The following SFSWAP variants were observed in gnomAD, a reference collection of about 807,000 sequenced individuals.
SFSWAP encodes the protein splicing factor SWAP, also known as splicing factor, suppressor of white-apricot homolog.
Under a neutral mutation model 100.7 loss-of-function variants are expected in SFSWAP, and 17 were observed. The observed-to-expected ratio is 0.17, with a 90% CI of 0.12 to 0.25. SFSWAP has a LOEUF of 0.25. SFSWAP is among the 10% of genes least tolerant of loss of function. SFSWAP has a pLI of 1.00. For synonymous variants in SFSWAP, 504 were observed against 510.1 expected (o/e 0.99, Z 0.16); for missense variants, 1,005 against 1,262.6 (o/e 0.80, Z 3.09).
At chr12:131,762,107 C>T (rs1882724530) in intron 11 of SFSWAP, among the ~76,000 whole-genome samples, 1 of 152,188 alleles carries the variant, frequency 6.6e-6, no homozygotes, top group South Asian at 2.1e-4. Context: ...GTGGCGAGCA[C>T]CTGTAATCCC....
chr12:131,795,426 C>T (rs1040519926), intron 15 of SFSWAP, among the ~76,000 whole-genome samples: 4 of 152,176 alleles, frequency 2.6e-5, no homozygotes, highest in Non-Finnish European at 5.9e-5. Flanking sequence ...CTGTCCCTAC[C>T]AGGGCATGCT....
chr12:131,766,223 A>G lies in SFSWAP; in HGVS notation c.2057A>G (p.Lys686Arg), dbSNP rs751859060. The change falls in exon 13 of 18, where the codon AAA becomes AGA. Residue 686 changes from lysine to arginine, a missense_variant. Physicochemically the swap from Lys to Arg is conservative, Grantham distance 26 (BLOSUM62 2). This residue lies in a region of SFSWAP where 4 missense variants were observed against 24.5 expected (regional missense o/e 0.16). Transcript: ENST00000261674. ...EKQLQAERKR[K>R]AALFLQTLKN... ...CAGCTTCAAGCAGAACGTAAAAGGA[A>G]AGCGGCGTTATTTTTACAGACCCTC... is the stretch of plus-strand genomic sequence containing the variant. 1 of 1,614,106 alleles carries G rather than the reference A, an allele frequency of 6.2e-7. No homozygotes were observed. Among genetic ancestry groups the G allele is most frequent in the African/African-American group, 1.3e-5 (1 of 74,934 alleles).
Position 131,734,587 on chromosome 12 carries a change from C to T in SFSWAP, c.1081+6159C>T, listed in dbSNP as rs1420065634. Among the ~76,000 whole-genome samples the T allele has an allele frequency of 2.0e-5, 3 of 152,214 alleles. No homozygotes were observed. The highest frequency in any genetic ancestry group is 4.4e-5 in the Non-Finnish European group (3 of 68,042). ...TTGAATGCCCTGTGGACCCGGAGCT[C>T]TGTGAGGCAAAGGCTGGGACTGTCT... On this transcript the variant is annotated intron_variant, in intron 7 of 17. Coordinates refer to ENST00000261674, the MANE Select transcript of SFSWAP (RefSeq NM_004592.4). This position sits in a 1 kb window ranked among gnomAD's most constrained non-coding sequence, Gnocchi z 4.9.
Position 131,748,004 on chromosome 12 carries a change from G to T in SFSWAP, c.1082-5119G>T, listed in dbSNP as rs536548392. ...GGCCGCTGCCGAGGAAGAGCCTGGG[G>T]CTGTGGGAGCAGCGAGGCCACCATC... On this transcript the variant is annotated intron_variant, in intron 7 of 17. Coordinates refer to ENST00000261674, the MANE Select transcript of SFSWAP (RefSeq NM_004592.4). Among the ~76,000 whole-genome samples the T allele has an allele frequency of 4.6e-5, 7 of 152,340 alleles. No homozygotes were observed. In the South Asian group the frequency reaches 1.4e-3, roughly 32 times the overall value.
chr12:131,786,984 G>A (rs1884941679), intron 15 of SFSWAP, among the ~76,000 whole-genome samples: 1 of 152,158 alleles, frequency 6.6e-6, no homozygotes, highest in African/African-American at 2.4e-5. Context: ...AGTCACTGTG[G>A]TTGCCTGGCT....
intron 7 of SFSWAP, among the ~76,000 whole-genome samples, chr12:131,745,868 G>A (rs957886658): frequency 1.3e-5 from 2 of 151,936 alleles, no homozygotes; most frequent in African/African-American, 2.4e-5. Context: ...GAATAAGCCT[G>A]CAGGGAATGG....
At chr12:131,779,677 C>T (rs1483099965) in intron 14 of SFSWAP, among the ~76,000 whole-genome samples, 4 of 152,226 alleles carry the variant, frequency 2.6e-5, no homozygotes, top group Non-Finnish European at 5.9e-5. Context: ...GGGAAAAATA[C>T]ACATGCCTTG....
At chr12:131,720,069 A>T (rs1488960586) in intron 4 of SFSWAP, among the ~76,000 whole-genome samples, 3 of 152,120 alleles carry the variant, frequency 2.0e-5, no homozygotes, top group Non-Finnish European at 4.4e-5. Flanking sequence ...TCCTCATCTG[A>T]GGGCTTTGCA....
At chr12:131,718,009 G>A (rs1423722113) in intron 3 of SFSWAP, among the ~76,000 whole-genome samples, 1 of 152,334 alleles carries the variant, frequency 6.6e-6, no homozygotes, top group African/African-American at 2.4e-5. Context: ...GGGATTCCAG[G>A]CGTGAGCCAC....
At chr12:131,754,553 G>A in intron 9 of SFSWAP, 54 bp downstream of exon 9, 2 of 1,255,610 alleles carry the variant, frequency 1.6e-6, no homozygotes, top group Non-Finnish European at 2.1e-6. Flanking sequence ...GTTTCGTTTA[G>A]CCTTTTTTTA....
intron 15 of SFSWAP, among the ~76,000 whole-genome samples, chr12:131,795,191 C>T (rs1885538619): frequency 6.6e-6 from 1 of 152,198 alleles, no homozygotes; most frequent in African/African-American, 2.4e-5. Context: ...GTCATCTGCC[C>T]GGGCCCAGCT....
At position 131,799,017 on chromosome 12, in the gene SFSWAP, T is replaced by C. The variant is rs1885876586; in HGVS notation, c.2718-20T>C. 5 of 846,188 alleles carry C rather than the reference T, an allele frequency of 5.9e-6. No homozygotes were observed. The South Asian group carries it at 1.4e-4, about 23-fold the overall frequency. 52.4% of individuals were successfully genotyped at this position (846,188 alleles called of 1,614,324 possible). ...ATCTTCACACGGTTGTAAGCTCTGCTCTCTCTCTCTCTGCATTAGGGGAGT... is the reference window on the plus strand; with the variant it reads ...ATCTTCACACGGTTGTAAGCTCTGCCCTCTCTCTCTCTGCATTAGGGGAGT... On this transcript the variant is annotated intron_variant, in intron 16 of 17. Transcript: ENST00000261674.
rs771213187 is a variant in SFSWAP at position 131,778,341 on chromosome 12, A to G, written c.2408+11A>G. The G allele has an allele frequency of 6.2e-7, 1 of 1,610,106 alleles. No homozygotes were observed. The highest frequency in any genetic ancestry group is 1.1e-5 in the South Asian group (1 of 90,924). Reference sequence around the variant, plus strand: ...AGTGCGGCGGTCGAGGTGGGTGTGAAGGGGGCAGCACCTCTGGTACCCTCA... The same window carrying G: ...AGTGCGGCGGTCGAGGTGGGTGTGAGGGGGGCAGCACCTCTGGTACCCTCA... On this transcript the variant is annotated intron_variant, in intron 14 of 17. Coordinates refer to ENST00000261674, the MANE Select transcript of SFSWAP (RefSeq NM_004592.4). The surrounding 1 kb of genome is among the most constrained non-coding windows in gnomAD (Gnocchi z 4.2).
At chr12:131,768,106 A>G (rs1883270250) in intron 13 of SFSWAP, among the ~76,000 whole-genome samples, 2 of 152,202 alleles carry the variant, frequency 1.3e-5, no homozygotes, top group Non-Finnish European at 2.9e-5. Context: ...GAGTCGTTGC[A>G]TATGTGGTGA....
chr12:131,754,677 A>G (rs990246037), intron 9 of SFSWAP, among the ~76,000 whole-genome samples, 178 bp downstream of exon 9: 1 of 111,306 alleles, frequency 9.0e-6, no homozygotes, highest in African/African-American at 3.5e-5. Context: ...TCTGTCACCC[A>G]GGCTGGAGTG....
Position 131,711,524 on chromosome 12 carries a change from A to G in SFSWAP, c.218+77A>G. The G allele has an allele frequency of 6.4e-6, 8 of 1,243,018 alleles. No homozygotes were observed. In the South Asian group the frequency reaches 8.8e-5, roughly 14 times the overall value. 77.0% of individuals were successfully genotyped at this position (1,243,018 alleles called of 1,614,324 possible). A position where few individuals can be genotyped will look rare whatever the true frequency, so the allele number is the denominator to read the frequency against. On this transcript the variant is annotated intron_variant, in intron 1 of 17. Transcript: ENST00000261674. The surrounding 1 kb of genome is among the most constrained non-coding windows in gnomAD (Gnocchi z 4.9). Reference sequence around the variant, plus strand: ...CTCGTCTGATGTTGACTTGACTGCAAGGACTGCAGAGAGTTTTCTGGAGCC... The same window carrying G: ...CTCGTCTGATGTTGACTTGACTGCAGGGACTGCAGAGAGTTTTCTGGAGCC...
At chr12:131,748,970 A>C (rs1008773786) in intron 7 of SFSWAP, among the ~76,000 whole-genome samples, 1 of 152,270 alleles carries the variant, frequency 6.6e-6, no homozygotes, top group Admixed American at 6.5e-5. Context: ...GAACAGCAAC[A>C]AACCTAACAA....
At chr12:131,759,198 C>T (rs895707903) in intron 11 of SFSWAP, among the ~76,000 whole-genome samples, 1 of 152,106 alleles carries the variant, frequency 6.6e-6, no homozygotes, top group Non-Finnish European at 1.5e-5. Context: ...TGAAAAATAT[C>T]GCTTTCTAAG....
At chr12:131,776,213 G>A (rs1884012823) in intron 13 of SFSWAP, among the ~76,000 whole-genome samples, 1 of 152,244 alleles carries the variant, frequency 6.6e-6, no homozygotes, top group South Asian at 2.1e-4. Flanking sequence ...CCACAGTAAA[G>A]TGGATTTTTT....
Sources: gnomAD v4.1 joint callset for allele counts (sites outside exome capture counted in the v4.1 genomes callset) on GRCh38, gnomAD v4.1.1 for gene constraint, gnomAD v4.1.1 regional missense constraint, Gnocchi (gnomAD v3.1) non-coding constraint, MANE v1.5 for transcripts, NCBI Gene and HGNC (gene_info 2026-07-23, HGNC 2026-07-21) for gene names.